DHX35: variants seen among roughly 807,000 people sequenced by gnomAD.
DHX35 encodes the protein DEAH-box helicase 35.
A neutral mutation model predicts 99.6 loss-of-function variants in DHX35; 84 were observed. The observed-to-expected ratio is 0.84, with a 90% CI of 0.71 to 1.01. The LOEUF is 1.01. Ranked by LOEUF, DHX35 falls within the 50% of genes least tolerant of loss-of-function variation. The pLI is 0.00. For synonymous variants in DHX35, 331 were observed against 316.2 expected (o/e 1.05, Z -0.50); for missense variants, 852 against 888.5 (o/e 0.96, Z 0.52).
At position 38,983,741 on chromosome 20, in the gene DHX35, G is replaced by A; in HGVS notation, c.310G>A (p.Gly104Arg). 1.9e-6 allele frequency: 3 copies of A among 1,614,088 alleles called. No homozygotes were observed. The highest frequency in any genetic ancestry group is 2.5e-6 in the Non-Finnish European group (3 of 1,179,990). Residue 104 changes from glycine (G) to arginine (R), a missense_variant, in exon 4 of 22, where the codon GGA (glycine) becomes AGA (arginine). Coordinates refer to ENST00000252011, the MANE Select transcript of DHX35 (RefSeq NM_021931.4). ...CTGGACAGCTGAAGGAAGAGTGGTA[G>A]GAGTGACCCAGCCTCGAAGAGTGGC... Reference protein sequence around the residue: ...AGWTAEGRVVGVTQPRRVAAV... With the variant: ...AGWTAEGRVVRVTQPRRVAAV...
intron 12 of DHX35, among the ~76,000 whole-genome samples, chr20:39,006,815 C>T (rs2086626507): frequency 6.6e-6 from 1 of 152,210 alleles, no homozygotes; most frequent in Admixed American, 6.5e-5. Context: ...GAGACTCATT[C>T]ATAGAAAACA....
rs750887727 is a variant in DHX35, at chr20:39,030,741, G to A, written c.1921G>A (p.Ala641Thr). 1 of 1,614,162 alleles carries A rather than the reference G, an allele frequency of 6.2e-7. No homozygotes were observed. The highest frequency in any genetic ancestry group is 2.2e-5 in the East Asian group (1 of 44,886). The change falls in exon 20 of 22, where the codon GCG (alanine) becomes ACG (threonine). Residue 641 changes from alanine (A) to threonine (T), a missense_variant. Physicochemically the swap from Ala to Thr is moderately conservative, Grantham distance 58. Coordinates refer to ENST00000252011, the MANE Select transcript of DHX35 (RefSeq NM_021931.4). ...RDDHELHIHP[A>T]SVLYAEKPPR... ...TGACCATGAGCTGCACATACACCCT[G>A]CGTCAGTCCTCTATGCAGAGAAGCC...
intron 21 of DHX35, among the ~76,000 whole-genome samples, chr20:39,036,358 C>T (rs2087150286): frequency 6.6e-6 from 1 of 152,220 alleles, no homozygotes; most frequent in East Asian, 1.9e-4. Flanking sequence ...CTCCAAATGG[C>T]TTTTTTATTT....
At chr20:38,992,206 T>A in intron 6 of DHX35, 150 bp from the exon 7 acceptor site, 1 of 589,658 alleles carries the variant, frequency 1.7e-6, no homozygotes, top group Non-Finnish European at 3.0e-6. Flanking sequence ...ACCTAAGAAT[T>A]GCCTCATTGT....
intron 3 of DHX35, 106 bp downstream of exon 3, chr20:38,972,757 A>G: frequency 1.4e-6 from 1 of 724,810 alleles, no homozygotes; most frequent in Non-Finnish European, 2.3e-6. Flanking sequence ...GTCTCCTTTC[A>G]GGAAATGTTC....
At chr20:39,002,686 G>T in intron 9 of DHX35, 86 bp from the exon 10 acceptor site, 1 of 1,222,968 alleles carries the variant, frequency 8.2e-7, no homozygotes, top group Non-Finnish European at 1.2e-6. Context: ...TCACTTTGAT[G>T]AGCTTTGCTG....
chr20:39,033,242 A>AT (rs879850709), intron 20 of DHX35, among the ~76,000 whole-genome samples: 124 of 149,998 alleles, frequency 8.3e-4, no homozygotes, highest in Non-Finnish European at 1.2e-3. Flanking sequence ...CCTTTAAAAA[A>AT]TTTTTTTTTT....
intron 14 of DHX35, among the ~76,000 whole-genome samples, chr20:39,018,189 A>G (rs1185521978): frequency 6.6e-6 from 1 of 152,104 alleles, no homozygotes; most frequent in Non-Finnish European, 1.5e-5. Flanking sequence ...CAGCCAAACC[A>G]TATCACTCAT....
intron 3 of DHX35, among the ~76,000 whole-genome samples, chr20:38,978,974 G>T (rs2086126700): frequency 6.6e-6 from 1 of 152,072 alleles, no homozygotes. Context: ...TGTGTTCTTG[G>T]TGCTTTTGTT....
intron 9 of DHX35, 130 bp from the exon 10 acceptor site, chr20:39,002,642 T>G (rs1175969228): frequency 1.6e-6 from 1 of 640,674 alleles, no homozygotes; most frequent in Non-Finnish European, 2.8e-6. Context: ...ATTTTGTTTA[T>G]CCTGTACTAA....
intron 3 of DHX35, among the ~76,000 whole-genome samples, chr20:38,982,551 C>T (rs1325587681): frequency 1.3e-5 from 2 of 152,166 alleles, no homozygotes; most frequent in Admixed American, 1.3e-4. Flanking sequence ...ACATGCATGG[C>T]TGTGATTCTC....
chr20:39,008,178 A>G (rs749043615), intron 12 of DHX35, among the ~76,000 whole-genome samples: 2 of 152,178 alleles, frequency 1.3e-5, no homozygotes, highest in African/African-American at 4.8e-5. Context: ...TTTTAGCATA[A>G]TGGTTTTGAG....
chr20:38,995,253 G>A (rs59454014), intron 8 of DHX35, among the ~76,000 whole-genome samples: 8 of 152,208 alleles, frequency 5.3e-5, no homozygotes, highest in Non-Finnish European at 1.0e-4. Context: ...GGCTGGGCAC[G>A]GTGGCTCACA....
chr20:38,964,227 G>T (rs1378188194), intron 1 of DHX35, among the ~76,000 whole-genome samples: 2 of 152,152 alleles, frequency 1.3e-5, no homozygotes, highest in Admixed American at 6.5e-5. Context: ...CGAAGCAAAG[G>T]GTGCAGCATG....
intron 3 of DHX35, among the ~76,000 whole-genome samples, chr20:38,973,050 A>G (rs946811357): frequency 6.6e-6 from 1 of 152,372 alleles, no homozygotes; most frequent in East Asian, 1.9e-4. Flanking sequence ...CTTTCTTACT[A>G]GGAAAAATCC....
chr20:38,989,101 T>TTC (rs1568727518), intron 5 of DHX35, among the ~76,000 whole-genome samples, 184 bp downstream of exon 5: 1 of 145,576 alleles, frequency 6.9e-6, no homozygotes, highest in East Asian at 2.0e-4. Context: ...TTTTTTCTTT[T>TTC]TTTTTTTTTT....
chr20:39,015,034 G>A, intron 14 of DHX35, 100 bp downstream of exon 14: 1 of 1,379,938 alleles, frequency 7.2e-7, no homozygotes, highest in Non-Finnish European at 1.0e-6. Context: ...CTTCAGGAAT[G>A]GGATTGGTTC....
intron 17 of DHX35, among the ~76,000 whole-genome samples, chr20:39,024,362 G>C (rs2086918695): frequency 1.3e-5 from 2 of 152,182 alleles, no homozygotes. Flanking sequence ...TTACATAAAA[G>C]AAAGGGTATA....
intron 21 of DHX35, among the ~76,000 whole-genome samples, chr20:39,037,288 C>T (rs538197771): frequency 1.3e-5 from 2 of 152,294 alleles, no homozygotes; most frequent in East Asian, 3.9e-4. Flanking sequence ...GTGACCTATT[C>T]AGAGATTTGC....
Sources: allele counts gnomAD v4.1 joint callset (sites outside exome capture counted in the v4.1 genomes callset), GRCh38; gene constraint gnomAD v4.1.1; transcripts MANE v1.5; gene names NCBI Gene and HGNC (gene_info 2026-07-23, HGNC 2026-07-21).